SYT1: variants seen among roughly 807,000 people sequenced by gnomAD.
The protein encoded by SYT1 is synaptotagmin 1, also known as synaptotagmin-1.
A neutral mutation model predicts 44.8 loss-of-function variants in SYT1; 8 were observed. That is an observed-to-expected ratio of 0.18 (90% CI 0.10 to 0.32). SYT1 has a LOEUF of 0.32. SYT1 is among the 10% of genes least tolerant of loss of function. The pLI is 1.00. For synonymous variants in SYT1, 154 were observed against 188.8 expected, an observed-to-expected ratio of 0.82 and a Z score of 1.51; for missense variants, 286 against 509.3, an observed-to-expected ratio of 0.56 and a Z score of 4.22.
At chr12:78,973,804 A>G (rs1408127886) in intron 1 of SYT1, among the ~76,000 whole-genome samples, 1 of 150,258 alleles carries the variant, frequency 6.7e-6, no homozygotes, top group Non-Finnish European at 1.5e-5. Context: ...CCACTGTTAT[A>G]TGCCAAGTGA....
chr12:79,365,052 T>C (rs761609768), intron 9 of SYT1, among the ~76,000 whole-genome samples: 1 of 152,090 alleles, frequency 6.6e-6, no homozygotes, highest in Non-Finnish European at 1.5e-5. Flanking sequence ...TTTTCATACA[T>C]AAGTAAAAAA....
At chr12:79,222,249 C>T (rs73347397) in intron 4 of SYT1, among the ~76,000 whole-genome samples, 5,888 of 152,020 alleles carry the variant, frequency 0.039, 245 homozygotes, top group East Asian at 0.12. Flanking sequence ...TCCTTGACAA[C>T]TTGAGTATAT....
intron 2 of SYT1, among the ~76,000 whole-genome samples, chr12:79,037,303 A>G (rs1211344542): frequency 6.6e-6 from 1 of 151,414 alleles, no homozygotes; most frequent in Non-Finnish European, 1.5e-5. Context: ...CAAGGTACAT[A>G]CTAGCTCTCC....
At chr12:79,093,920 C>T (rs1877947732) in intron 3 of SYT1, among the ~76,000 whole-genome samples, 1 of 151,576 alleles carries the variant, frequency 6.6e-6, no homozygotes, top group Non-Finnish European at 1.5e-5. Context: ...ATTGTACCAA[C>T]ATGTTATCAA....
At chr12:79,153,577 T>C (rs921179175) in intron 3 of SYT1, among the ~76,000 whole-genome samples, 1 of 152,156 alleles carries the variant, frequency 6.6e-6, no homozygotes, top group East Asian at 1.9e-4. Flanking sequence ...ATTTTGTATG[T>C]AAATTATCCT....
intron 4 of SYT1, among the ~76,000 whole-genome samples, chr12:79,256,941 T>C (rs953465204): frequency 1.3e-5 from 2 of 152,246 alleles, no homozygotes. Context: ...AGCTTCCTAA[T>C]GTTAACTTCA....
chr12:78,874,328 A>G (rs999109258), intron 1 of SYT1, among the ~76,000 whole-genome samples: 9 of 151,566 alleles, frequency 5.9e-5, no homozygotes, highest in African/African-American at 2.2e-4. Flanking sequence ...GAAGAAGAGA[A>G]TAGATGGTGG....
chr12:79,372,301 G>A (rs553740106), intron 9 of SYT1, among the ~76,000 whole-genome samples: 4 of 152,242 alleles, frequency 2.6e-5, no homozygotes, highest in East Asian at 3.9e-4. Flanking sequence ...CATATAGTAT[G>A]AACTGAATTG....
At chr12:79,043,833 A>C (rs1007995750) in intron 2 of SYT1, among the ~76,000 whole-genome samples, 2 of 152,026 alleles carry the variant, frequency 1.3e-5, no homozygotes, top group Non-Finnish European at 2.9e-5. Context: ...TGGTGACAAA[A>C]TCTCTCAGCA....
At chr12:78,990,274 G>A (rs1404677784) in intron 2 of SYT1, among the ~76,000 whole-genome samples, 2 of 152,092 alleles carry the variant, frequency 1.3e-5, no homozygotes, top group Middle Eastern at 3.2e-3. Flanking sequence ...TGTGCCTGGA[G>A]CAAATAAAAA....
chr12:78,949,153 CTGAGCTAAT>C, intron 1 of SYT1, among the ~76,000 whole-genome samples: 1 of 151,578 alleles, frequency 6.6e-6, no homozygotes, highest in Admixed American at 6.6e-5. Context: ...TGGTATACCT[CTGAGCTAAT>C]ATGAGAACAC....
At chr12:78,945,731 A>G (rs1878620771) in intron 1 of SYT1, among the ~76,000 whole-genome samples, 1 of 152,128 alleles carries the variant, frequency 6.6e-6, no homozygotes, top group Non-Finnish European at 1.5e-5. Flanking sequence ...CGTAATATTA[A>G]TGGGAAGTCA....
chr12:79,396,972 G>T (rs1435027622), intron 9 of SYT1, among the ~76,000 whole-genome samples: 1 of 152,184 alleles, frequency 6.6e-6, no homozygotes, highest in Non-Finnish European at 1.5e-5. Flanking sequence ...CTTTAAAAAG[G>T]TAACATATGA....
intron 4 of SYT1, among the ~76,000 whole-genome samples, chr12:79,250,871 T>C (rs895493942): frequency 3.3e-5 from 5 of 152,168 alleles, no homozygotes; most frequent in African/African-American, 9.7e-5. Flanking sequence ...CTTGGCTTTC[T>C]TCAGGTTTTA....
intron 6 of SYT1, among the ~76,000 whole-genome samples, chr12:79,293,156 C>CAAAA (rs746607482): frequency 9.3e-6 from 1 of 107,342 alleles, no homozygotes; most frequent in Admixed American, 1.0e-4. Flanking sequence ...ACAAAAAATA[C>CAAAA]AAAAAAAAAA....
chr12:79,251,108 G>A lies in SYT1; in HGVS notation c.166+33423G>A, dbSNP rs57323936. 3.8e-3 allele frequency among the ~76,000 whole-genome samples: 572 copies of A among 152,236 alleles called. 8 individuals are homozygous for A. Among genetic ancestry groups the A allele is most frequent in the African/African-American group, 0.013 (556 of 41,556 alleles). On this transcript the variant is annotated intron_variant, in intron 4 of 10. Coordinates refer to ENST00000261205, the MANE Select transcript of SYT1 (RefSeq NM_005639.3). ...CTAGCATTTGTCACAATAGTCTCAA[G>A]TCTGAGTACTACTAATACTGACTTG... is the stretch of plus-strand genomic sequence containing the variant.
At chr12:79,138,617 TA>T (rs1268280837) in intron 3 of SYT1, among the ~76,000 whole-genome samples, 2 of 152,216 alleles carry the variant, frequency 1.3e-5, no homozygotes, top group Non-Finnish European at 2.9e-5. Context: ...TTCACAGGAT[TA>T]AATACAAATA....
At chr12:79,130,785 A>C (rs977749527) in intron 3 of SYT1, among the ~76,000 whole-genome samples, 2 of 152,188 alleles carry the variant, frequency 1.3e-5, no homozygotes, top group African/African-American at 2.4e-5. Context: ...TCTTTGAACC[A>C]GGAGTCTCAT....
chr12:79,245,392 G>C (rs1195583868), intron 4 of SYT1, among the ~76,000 whole-genome samples: 5 of 145,546 alleles, frequency 3.4e-5, no homozygotes, highest in African/African-American at 1.3e-4. Context: ...GGAGAATGGC[G>C]AGAACCCGGG....
Sources: allele counts gnomAD v4.1 joint callset (sites outside exome capture counted in the v4.1 genomes callset), GRCh38; gene constraint gnomAD v4.1.1; transcripts MANE v1.5; gene names NCBI Gene and HGNC (gene_info 2026-07-23, HGNC 2026-07-21).